TTC28: variants seen among roughly 807,000 people sequenced by gnomAD.
The protein encoded by TTC28 is tetratricopeptide repeat protein 28.
In TTC28, 61 loss-of-function variants were observed where a neutral mutation model predicts 198.0. The observed-to-expected ratio is 0.31, with a 90% CI of 0.25 to 0.38. The LOEUF (loss-of-function observed/expected upper bound fraction) is 0.38. Ranked by LOEUF, TTC28 falls within the 10% of genes least tolerant of loss-of-function variation. The pLI, the probability that TTC28 is intolerant of heterozygous loss-of-function variation, is 1.00. For missense variants in TTC28, 2,678 were observed against 3,164.0 expected (o/e 0.85, Z 3.69); for synonymous variants, 1,171 against 1,297.8 (o/e 0.90, Z 2.10).
chr22:28,234,242 G>C (rs1005167365), intron 5 of TTC28, among the ~76,000 whole-genome samples: 4 of 151,790 alleles, frequency 2.6e-5, no homozygotes, highest in Non-Finnish European at 5.9e-5. Context: ...GGGTTTCACT[G>C]TGTTGCCCAG....
chr22:28,589,875 T>G (rs1317330457), intron 2 of TTC28, among the ~76,000 whole-genome samples: 2 of 151,276 alleles, frequency 1.3e-5, no homozygotes, highest in Admixed American at 1.3e-4. Context: ...CCGTCTCTAC[T>G]AAAAATACAA....
At chr22:28,214,385 A>G (rs957075237) in intron 5 of TTC28, among the ~76,000 whole-genome samples, 11 of 152,298 alleles carry the variant, frequency 7.2e-5, no homozygotes, top group African/African-American at 1.7e-4. Context: ...CTACTCATCT[A>G]ACAAAGGGCG....
chr22:28,206,389 G>A (rs74635998), intron 5 of TTC28, among the ~76,000 whole-genome samples: 3,050 of 152,230 alleles, frequency 0.02, 33 homozygotes, highest in Non-Finnish European at 0.026. Context: ...GAGAAATGAC[G>A]AAATATGTCC....
intron 2 of TTC28, among the ~76,000 whole-genome samples, chr22:28,575,622 T>C (rs757179701): frequency 6.6e-6 from 1 of 152,196 alleles, no homozygotes; most frequent in Non-Finnish European, 1.5e-5. Flanking sequence ...TTAACAATAT[T>C]GATTCTTCCA....
intron 13 of TTC28, among the ~76,000 whole-genome samples, chr22:28,014,959 G>A (rs1310906325): frequency 1.3e-5 from 2 of 152,202 alleles, no homozygotes; most frequent in Admixed American, 6.5e-5. Flanking sequence ...CTGCAGAGTG[G>A]GTCGGTTTGA....
chr22:28,630,023 G>A (rs1008802656), intron 1 of TTC28, among the ~76,000 whole-genome samples, 193 bp from the exon 2 acceptor site: 1 of 152,046 alleles, frequency 6.6e-6, no homozygotes, highest in African/African-American at 2.4e-5. Flanking sequence ...CCTCCCCTGG[G>A]GGTGAGGGAA....
intron 5 of TTC28, among the ~76,000 whole-genome samples, chr22:28,265,226 C>T (rs1044664265): frequency 1.4e-4 from 22 of 152,080 alleles, no homozygotes; most frequent in African/African-American, 5.1e-4. Context: ...ATGTACTGCT[C>T]GATTGTAATT....
chr22:28,527,202 A>C (rs2049019247), intron 2 of TTC28, among the ~76,000 whole-genome samples: 1 of 152,054 alleles, frequency 6.6e-6, no homozygotes, highest in African/African-American at 2.4e-5. Flanking sequence ...TCACCTCCCT[A>C]TGGCCCACTC....
chr22:28,012,177 T>C (rs1219550916), intron 14 of TTC28, among the ~76,000 whole-genome samples: 3 of 152,210 alleles, frequency 2.0e-5, no homozygotes, highest in Non-Finnish European at 4.4e-5. Context: ...TAGGTTTATA[T>C]TTCTTCCTCC....
intron 6 of TTC28, among the ~76,000 whole-genome samples, chr22:28,158,683 T>C (rs1019090542): frequency 4.6e-5 from 7 of 152,178 alleles, no homozygotes; most frequent in African/African-American, 1.4e-4. Flanking sequence ...CTTCAATAAA[T>C]GGTGCTGGGA....
chr22:28,091,465 G>A (rs1425673070), intron 12 of TTC28, among the ~76,000 whole-genome samples: 1 of 152,148 alleles, frequency 6.6e-6, no homozygotes, highest in African/African-American at 2.4e-5. Flanking sequence ...CATATGCAGA[G>A]ATTTCAAATG....
At chr22:27,993,242 G>A in intron 18 of TTC28, 45 bp downstream of exon 18, 1 of 1,446,438 alleles carries the variant, frequency 6.9e-7, no homozygotes, top group South Asian at 1.4e-5. Flanking sequence ...TGTTCCACCT[G>A]CTGTCAGCCA....
At chr22:28,456,517 C>A (rs1228615807) in intron 2 of TTC28, among the ~76,000 whole-genome samples, 1 of 152,136 alleles carries the variant, frequency 6.6e-6, no homozygotes, top group African/African-American at 2.4e-5. Context: ...TCAGCTTTCC[C>A]CAATTCCTCC....
At chr22:28,222,655 G>C (rs1727263444) in intron 5 of TTC28, among the ~76,000 whole-genome samples, 1 of 152,104 alleles carries the variant, frequency 6.6e-6, no homozygotes, top group Non-Finnish European at 1.5e-5. Context: ...CCTCCTATTG[G>C]GCGAGGGAGA....
intron 5 of TTC28, among the ~76,000 whole-genome samples, chr22:28,253,900 T>C (rs755781925): frequency 1.1e-4 from 17 of 151,526 alleles, no homozygotes; most frequent in Non-Finnish European, 1.8e-4. Context: ...AGATCAGGAG[T>C]TCGAGAGCAG....
intron 2 of TTC28, among the ~76,000 whole-genome samples, chr22:28,540,752 T>C (rs1297096519): frequency 6.6e-6 from 1 of 152,200 alleles, no homozygotes; most frequent in Non-Finnish European, 1.5e-5. Flanking sequence ...AGAATCACAG[T>C]ATTTTCACCA....
At chr22:28,450,158 A>G (rs946519616) in intron 2 of TTC28, among the ~76,000 whole-genome samples, 1 of 152,200 alleles carries the variant, frequency 6.6e-6, no homozygotes, top group Non-Finnish European at 1.5e-5. Context: ...GGTCATTGAC[A>G]TGATGATGAT....
intron 13 of TTC28, among the ~76,000 whole-genome samples, chr22:28,023,079 A>C: frequency 6.6e-6 from 1 of 152,348 alleles, no homozygotes; most frequent in Non-Finnish European, 1.5e-5. Flanking sequence ...TCTCAAGCCC[A>C]GGAATGAATC....
chr22:28,586,951 G>A (rs1035217121), intron 2 of TTC28, among the ~76,000 whole-genome samples: 1 of 152,160 alleles, frequency 6.6e-6, no homozygotes, highest in African/African-American at 2.4e-5. Flanking sequence ...TGGCAGGGTG[G>A]TAGCTCACGT....
Sources: allele counts gnomAD v4.1 joint callset (sites outside exome capture counted in the v4.1 genomes callset), GRCh38; gene constraint gnomAD v4.1.1; transcripts MANE v1.5; gene names NCBI Gene and HGNC (gene_info 2026-07-23, HGNC 2026-07-21).